The following VPS26A variants were observed in gnomAD, a reference collection of about 807,000 sequenced individuals.
VPS26A encodes VPS26 retromer complex component A.
In VPS26A, 22 loss-of-function variants were observed where a neutral mutation model predicts 42.4. The observed-to-expected ratio is 0.52, with a 90% confidence interval of 0.37 to 0.74. VPS26A has a LOEUF of 0.74. Among genes scored for constraint, VPS26A ranks in the 30% least tolerant of loss-of-function variants. The pLI is 0.00. For missense variants in VPS26A, 276 were observed against 379.2 expected (o/e 0.73, Z 2.26); for synonymous variants, 110 against 123.5 (o/e 0.89, Z 0.73).
intron 2 of VPS26A, among the ~76,000 whole-genome samples, chr10:69,145,116 A>G (rs1841127324): frequency 6.6e-6 from 1 of 151,988 alleles, no homozygotes; most frequent in Admixed American, 6.6e-5. Context: ...GCTCACTGAA[A>G]CCTCCGCGTC....
intron 1 of VPS26A, among the ~76,000 whole-genome samples, chr10:69,129,932 C>T (rs951161191): frequency 6.6e-6 from 1 of 152,186 alleles, no homozygotes; most frequent in Non-Finnish European, 1.5e-5. Context: ...GAAAACATCT[C>T]ATTTGAGTAT....
At chr10:69,135,977 ATTTAAGAAAAATTTGG>A (rs1321582762) in intron 2 of VPS26A, among the ~76,000 whole-genome samples, 1 of 152,202 alleles carries the variant, frequency 6.6e-6, no homozygotes, top group African/African-American at 2.4e-5. Context: ...AGTCTTGCTC[ATTTAAGAAAAATTTGG>A]TACGGTTTTT....
chr10:69,126,580 A>G (rs1332225698), intron 1 of VPS26A, among the ~76,000 whole-genome samples: 29 of 151,974 alleles, frequency 1.9e-4, no homozygotes, highest in Admixed American at 1.7e-3. Flanking sequence ...AAAAAAAAAA[A>G]AAAAAAAATC....
intron 6 of VPS26A, among the ~76,000 whole-genome samples, chr10:69,164,196 A>G (rs992473042): frequency 3.3e-5 from 5 of 150,810 alleles, no homozygotes; most frequent in Admixed American, 6.6e-5. Context: ...TAGAAACTAT[A>G]TATTAGAGAA....
chr10:69,130,987 T>C (rs1840763659), intron 1 of VPS26A, among the ~76,000 whole-genome samples: 1 of 152,192 alleles, frequency 6.6e-6, no homozygotes, highest in Non-Finnish European at 1.5e-5. Flanking sequence ...ATAACACTTG[T>C]GAACATTTTT....
Position 69,142,690 on chromosome 10 carries a change from A to T in VPS26A, c.153+9643A>T, listed in dbSNP as rs370044839. ...AGAAAATAATATGCTCATTTGGCAC[A>T]CTTATTTTAATATAACAAATGCAAA... On this transcript the variant is annotated intron_variant, in intron 2 of 8. Coordinates refer to ENST00000263559, the MANE Select transcript of VPS26A (RefSeq NM_004896.5). 2.6e-5 allele frequency among the ~76,000 whole-genome samples: 4 copies of T among 152,094 alleles called. No homozygotes were observed. The East Asian group carries it at 5.8e-4, about 22-fold the overall frequency.
intron 2 of VPS26A, among the ~76,000 whole-genome samples, chr10:69,136,598 A>T (rs1840917793): frequency 6.6e-6 from 1 of 151,618 alleles, no homozygotes; most frequent in African/African-American, 2.4e-5. Context: ...GTTGATACTC[A>T]GTACCTAGAT....
At chr10:69,137,649 A>G (rs1183022628) in intron 2 of VPS26A, among the ~76,000 whole-genome samples, 3 of 152,098 alleles carry the variant, frequency 2.0e-5, no homozygotes, top group African/African-American at 7.2e-5. Flanking sequence ...CTTTTGATTA[A>G]CTAAAAAAAT....
intron 4 of VPS26A, 132 bp from the exon 5 acceptor site, chr10:69,157,915 A>G: frequency 1.4e-6 from 1 of 701,356 alleles, no homozygotes; most frequent in Non-Finnish European, 2.2e-6. Flanking sequence ...TTCGTGAAGT[A>G]ATGAAGTAAG....
intron 2 of VPS26A, among the ~76,000 whole-genome samples, chr10:69,145,100 A>G (rs2132208288): frequency 6.6e-6 from 1 of 152,250 alleles, no homozygotes; most frequent in Middle Eastern, 3.4e-3. Flanking sequence ...CAGTGGCGCC[A>G]TCTTGGCTCA....
chr10:69,171,622 G>A lies in VPS26A; in HGVS notation c.*353G>A, dbSNP rs1841818349. The A allele has an allele frequency of 6.0e-6, 1 of 165,676 alleles. No homozygotes were observed. Among genetic ancestry groups the A allele is most frequent in the South Asian group, 1.6e-4 (1 of 6,070 alleles). 10.3% of individuals were successfully genotyped at this position (165,676 alleles called of 1,614,324 possible). On this transcript the variant is annotated 3_prime_UTR_variant, in exon 9 of 9. Coordinates refer to ENST00000263559, the MANE Select transcript of VPS26A (RefSeq NM_004896.5). ...TAATTTTGCTTTCTTTCTGCATAAT[G>A]TTGATTATAAATCCTCTCTTTTCAG... is the stretch of plus-strand genomic sequence containing the variant.
chr10:69,151,155 C>T (rs1841294944), intron 2 of VPS26A, among the ~76,000 whole-genome samples: 1 of 151,204 alleles, frequency 6.6e-6, no homozygotes, highest in African/African-American at 2.4e-5. Context: ...GTCCCAGCTA[C>T]TCGGGAGGCT....
chr10:69,170,330 AC>A (rs1223226399), intron 8 of VPS26A: 1 of 152,246 alleles, frequency 6.6e-6, no homozygotes, highest in Non-Finnish European at 1.5e-5. Context: ...CATGATTTTT[AC>A]AATTTCAAAA....
chr10:69,154,908 T>C (rs531944647), intron 2 of VPS26A, among the ~76,000 whole-genome samples: 1,727 of 143,866 alleles, frequency 0.012, 32 homozygotes, highest in African/African-American at 0.049. Flanking sequence ...TGCGTGCACA[T>C]ATATATATTT....
At chr10:69,135,747 G>T (rs911988223) in intron 2 of VPS26A, among the ~76,000 whole-genome samples, 1 of 151,986 alleles carries the variant, frequency 6.6e-6, no homozygotes, top group Non-Finnish European at 1.5e-5. Context: ...ATTGGTTTGA[G>T]ATTTTTTTCA....
At chr10:69,162,233 G>T (rs929839776) in intron 5 of VPS26A, among the ~76,000 whole-genome samples, 173 bp from the exon 6 acceptor site, 1 of 152,000 alleles carries the variant, frequency 6.6e-6, no homozygotes, top group Non-Finnish European at 1.5e-5. Flanking sequence ...CAAGTGATCC[G>T]CCCACCCCGG....
chr10:69,144,369 T>C (rs1841109348), intron 2 of VPS26A, among the ~76,000 whole-genome samples: 1 of 152,194 alleles, frequency 6.6e-6, no homozygotes, highest in Non-Finnish European at 1.5e-5. Context: ...TCATATAGAA[T>C]AGTTTAACCA....
At chr10:69,129,854 T>C (rs752298593) in intron 1 of VPS26A, among the ~76,000 whole-genome samples, 2 of 152,236 alleles carry the variant, frequency 1.3e-5, no homozygotes, top group Non-Finnish European at 2.9e-5. Flanking sequence ...ATGTCAAAAG[T>C]ACTAATCTGG....
intron 6 of VPS26A, among the ~76,000 whole-genome samples, chr10:69,162,932 T>A (rs1052094659): frequency 6.6e-6 from 1 of 151,926 alleles, no homozygotes; most frequent in Middle Eastern, 3.2e-3. Context: ...GTGAGACCAT[T>A]CCAAAAAAAA....
Sources: gnomAD v4.1 joint callset for allele counts (sites outside exome capture counted in the v4.1 genomes callset) on GRCh38, gnomAD v4.1.1 for gene constraint, MANE v1.5 for transcripts, NCBI Gene and HGNC (gene_info 2026-07-23, HGNC 2026-07-21) for gene names.